ASAP1: variants seen among roughly 807,000 people sequenced by gnomAD.
ASAP1 encodes the protein arf-GAP with SH3 domain, ANK repeat and PH domain-containing protein 1.
A neutral mutation model predicts 145.2 loss-of-function variants in ASAP1; 43 were observed. The observed-to-expected ratio is 0.30, with a 90% CI of 0.23 to 0.38. The LOEUF is 0.38. Among genes scored for constraint, ASAP1 ranks in the 10% least tolerant of loss-of-function variants. ASAP1 has a pLI of 1.00. For synonymous variants in ASAP1, 546 were observed against 515.5 expected (o/e 1.06, Z -0.80); for missense variants, 1,018 against 1,355.3 (o/e 0.75, Z 3.91).
chr8:130,181,820 G>A (rs1231832400), intron 7 of ASAP1, among the ~76,000 whole-genome samples: 2 of 152,168 alleles, frequency 1.3e-5, no homozygotes, highest in Non-Finnish European at 2.9e-5. Context: ...CCTGAAAATG[G>A]ACTTCTAATT....
chr8:130,108,717 A>G (rs77587525), intron 24 of ASAP1, among the ~76,000 whole-genome samples: 15,186 of 149,662 alleles, frequency 0.1, 907 homozygotes, highest in South Asian at 0.27. Context: ...TCTTAATCAA[A>G]GGTTAAAAAG....
intron 24 of ASAP1, among the ~76,000 whole-genome samples, chr8:130,098,623 C>T (rs2097523237): frequency 6.6e-6 from 1 of 152,186 alleles, no homozygotes; most frequent in Non-Finnish European, 1.5e-5. Flanking sequence ...GCCGAGATTA[C>T]AGGTGTGAGC....
chr8:130,306,552 G>A (rs999905731), intron 3 of ASAP1, among the ~76,000 whole-genome samples: 2 of 152,130 alleles, frequency 1.3e-5, no homozygotes, highest in Non-Finnish European at 2.9e-5. Flanking sequence ...AAGTAGAGCT[G>A]GTTCTTTGTT....
intron 3 of ASAP1, among the ~76,000 whole-genome samples, chr8:130,342,671 G>C (rs1262032065): frequency 6.6e-6 from 1 of 152,212 alleles, no homozygotes; most frequent in African/African-American, 2.4e-5. Context: ...ATGACAAAGT[G>C]ATGGGGTTCC....
chr8:130,144,772 C>T (rs2097623275), intron 13 of ASAP1, among the ~76,000 whole-genome samples: 2 of 152,146 alleles, frequency 1.3e-5, no homozygotes, highest in Middle Eastern at 3.2e-3. Flanking sequence ...TGGCTGAATT[C>T]CCTTAACCCT....
At chr8:130,133,685 AAAC>A (rs1426483177) in intron 15 of ASAP1, among the ~76,000 whole-genome samples, 45 of 148,750 alleles carry the variant, frequency 3.0e-4, no homozygotes, top group Admixed American at 1.3e-3. Context: ...ACAAACAAAC[AAAC>A]AAAAAAAAAA....
At chr8:130,382,616 G>A (rs981814124) in intron 2 of ASAP1, among the ~76,000 whole-genome samples, 2 of 152,196 alleles carry the variant, frequency 1.3e-5, no homozygotes, top group Admixed American at 6.5e-5. Context: ...GGAAACTGAG[G>A]TGGGCGGATC....
At chr8:130,152,852 T>TC in intron 12 of ASAP1, 47 bp from the exon 13 acceptor site, 2 of 1,414,150 alleles carry the variant, frequency 1.4e-6, no homozygotes, top group Non-Finnish European at 2.0e-6. Flanking sequence ...TGATTCACTC[T>TC]GGGACATGCG....
At chr8:130,115,797 C>T (rs1592836584) in intron 22 of ASAP1, 62 bp from the exon 23 acceptor site, 1 of 1,228,410 alleles carries the variant, frequency 8.1e-7, no homozygotes, top group South Asian at 1.2e-5. Flanking sequence ...CAATATTATA[C>T]AAACACTGAG....
At position 130,110,458 on chromosome 8, in the gene ASAP1, C is replaced by T. The variant is rs73712874; in HGVS notation, c.2401+1636G>A. On this transcript the variant is annotated intron_variant, in intron 24 of 29. Transcript: ENST00000518721. ...GGTGCAGAAAGAGAATCTCTGCTCT[C>T]TGTCAGACTGCTACCCTGATGGGGA... 2.9e-3 allele frequency among the ~76,000 whole-genome samples: 439 copies of T among 152,344 alleles called. 2 individuals carry two copies. The highest frequency in any genetic ancestry group is 8.9e-3 in the African/African-American group (368 of 41,578).
In ASAP1 at chr8:130,074,536, C is replaced by T. The variant is rs1408727261; in HGVS notation, c.2701+1812G>A. Among the ~76,000 whole-genome samples, 6 of 151,104 alleles carry T rather than the reference C, an allele frequency of 4.0e-5. No homozygotes were observed. In the East Asian group the frequency reaches 1.2e-3, roughly 30 times the overall value. ...GGGTGGTGGTAGGAGGGACACAGGTCTTCATGGGTATTGACAGTAGGCCTG... is the reference window on the plus strand; with the variant it reads ...GGGTGGTGGTAGGAGGGACACAGGTTTTCATGGGTATTGACAGTAGGCCTG... On this transcript the variant is annotated intron_variant, in intron 27 of 29. Transcript: ENST00000518721.
chr8:130,379,687 C>T (rs1379791322), intron 2 of ASAP1, among the ~76,000 whole-genome samples: 2 of 152,188 alleles, frequency 1.3e-5, no homozygotes, highest in African/African-American at 4.8e-5. Context: ...AGAAAGAAGA[C>T]ATTGCACCTG....
chr8:130,173,780 A>AT lies in ASAP1; in HGVS notation c.747-4714_747-4713insA, dbSNP rs536781634. Among the ~76,000 whole-genome samples, 181 of 151,662 alleles carry AT rather than the reference A, an allele frequency of 1.2e-3. 1 individual carries two copies. Among genetic ancestry groups the AT allele is most frequent in the African/African-American group, 4.1e-3 (170 of 41,356 alleles). The stretch of plus-strand genomic sequence containing the variant: ...GAGACTCTGACTCAAAAAGAAAAAA[A>AT]AAAATAAAAAGGCCGGGTGTGGTGG... On this transcript the variant is annotated intron_variant, in intron 9 of 29. Coordinates refer to ENST00000518721, the MANE Select transcript of ASAP1 (RefSeq NM_018482.4).
At chr8:130,215,366 C>T (rs917686531) in intron 4 of ASAP1, among the ~76,000 whole-genome samples, 2 of 151,974 alleles carry the variant, frequency 1.3e-5, no homozygotes, top group East Asian at 1.9e-4. Context: ...GGGAGGCTAA[C>T]GTAGGCAGGT....
chr8:130,119,552 C>A (rs944355539), intron 18 of ASAP1, among the ~76,000 whole-genome samples: 20 of 152,158 alleles, frequency 1.3e-4, no homozygotes, highest in Non-Finnish European at 2.9e-4. Context: ...CCTTGGCCAC[C>A]TCTGGGGAAA....
intron 1 of ASAP1, among the ~76,000 whole-genome samples, chr8:130,426,824 A>C (rs765955476): frequency 2.8e-4 from 43 of 151,868 alleles, no homozygotes; most frequent in Non-Finnish European, 5.1e-4. Flanking sequence ...TCTCCAGATG[A>C]TTTTTCTTCC....
intron 9 of ASAP1, among the ~76,000 whole-genome samples, chr8:130,174,488 G>A (rs1405131348): frequency 6.6e-6 from 1 of 152,188 alleles, no homozygotes; most frequent in Non-Finnish European, 1.5e-5. Flanking sequence ...ATGTAACTGA[G>A]TATTTACTCT....
intron 2 of ASAP1, among the ~76,000 whole-genome samples, chr8:130,364,478 G>A (rs1423570769): frequency 6.6e-6 from 1 of 152,220 alleles, no homozygotes; most frequent in Non-Finnish European, 1.5e-5. Context: ...AAGTAGTGGA[G>A]CAGGACTCAA....
chr8:130,120,372 A>T (rs1454228230), intron 18 of ASAP1, among the ~76,000 whole-genome samples: 1 of 152,244 alleles, frequency 6.6e-6, no homozygotes, highest in Non-Finnish European at 1.5e-5. Flanking sequence ...CCACGTGCTA[A>T]CTATGTGACC....
Sources: allele counts gnomAD v4.1 joint callset (sites outside exome capture counted in the v4.1 genomes callset), GRCh38; gene constraint gnomAD v4.1.1; transcripts MANE v1.5; gene names NCBI Gene and HGNC (gene_info 2026-07-23, HGNC 2026-07-21).